Variants in CATSPERE observed in about 807,000 individuals in gnomAD.
CATSPERE encodes the protein cation channel sperm-associated auxiliary subunit epsilon.
Under a neutral mutation model 114.1 loss-of-function variants are expected in CATSPERE, and 93 were observed. That is an observed-to-expected ratio of 0.81 (90% confidence interval 0.69 to 0.97). The LOEUF (loss-of-function observed/expected upper bound fraction) is 0.97, where lower values mean the gene tolerates loss of function less well. CATSPERE is among the 50% of genes least tolerant of loss of function. The probability of loss-of-function intolerance (pLI) is 0.00; values close to 1 mark genes in which losing one functional copy is unlikely to be tolerated. For missense variants in CATSPERE, 1,058 were observed against 1,131.6 expected (o/e 0.93, Z 0.93); for synonymous variants, 341 against 384.1 (o/e 0.89, Z 1.31).
At chr1:244,639,558 T>C (rs928472541) in intron 21 of CATSPERE, among the ~76,000 whole-genome samples, 2 of 151,852 alleles carry the variant, frequency 1.3e-5, no homozygotes, top group Non-Finnish European at 2.9e-5. Flanking sequence ...GGTGTGGTGG[T>C]GCCCTCCTGT....
chr1:244,528,149 C>G lies in CATSPERE; in HGVS notation c.536+9451C>G, dbSNP rs987557531. Reference sequence around the variant, plus strand: ...AGCAGGTTCCCTGCATATGTTGTTCCCACTCACCCCACCATGTGTCCATGT... The same window carrying G: ...AGCAGGTTCCCTGCATATGTTGTTCGCACTCACCCCACCATGTGTCCATGT... On this transcript the variant is annotated intron_variant, in intron 8 of 21. Coordinates refer to ENST00000366534, the MANE Select transcript of CATSPERE (RefSeq NM_001130957.2). 6.6e-5 allele frequency among the ~76,000 whole-genome samples: 10 copies of G among 152,244 alleles called. No homozygotes were observed. The East Asian group carries it at 1.9e-3, about 29-fold the overall frequency.
rs116101489 is a variant in CATSPERE at position 244,558,752 on chromosome 1, A to G, written c.1030-1916A>G. 4.9e-3 allele frequency among the ~76,000 whole-genome samples: 741 copies of G among 151,294 alleles called. 6 individuals are homozygous for G. The highest frequency in any genetic ancestry group is 0.017 in the African/African-American group (708 of 41,150). On this transcript the variant is annotated intron_variant, in intron 9 of 21. Coordinates refer to ENST00000366534, the MANE Select transcript of CATSPERE (RefSeq NM_001130957.2). ...TCTTCCTCCCCTTCTCCTCCTGCCC[A>G]CTCTGCACTCCCCTCTCCTTCTCCT... is the stretch of plus-strand genomic sequence containing the variant.
At chr1:244,468,186 A>G (rs3003209) in intron 2 of CATSPERE, among the ~76,000 whole-genome samples, 130,175 of 151,648 alleles carry the variant, frequency 0.86, 56,416 homozygotes, top group African/African-American at 0.97. Context: ...TCTGCCTCCC[A>G]GGTTCAAGCA....
At chr1:244,632,025 G>A (rs1460162551) in intron 20 of CATSPERE, among the ~76,000 whole-genome samples, 1 of 152,162 alleles carries the variant, frequency 6.6e-6, no homozygotes, top group African/African-American at 2.4e-5. Context: ...CTGTGATGGT[G>A]CCACTGCACT....
intron 14 of CATSPERE, 26 bp from the exon 15 acceptor site, chr1:244,591,655 A>G (rs752261232): frequency 1.0e-5 from 14 of 1,355,222 alleles, no homozygotes; most frequent in Non-Finnish European, 1.5e-5. Flanking sequence ...TGATATTTCA[A>G]CTTCATTATG....
intron 20 of CATSPERE, among the ~76,000 whole-genome samples, chr1:244,621,315 A>AATATAT (rs201672348): frequency 3.8e-5 from 1 of 26,334 alleles, no homozygotes; most frequent in Admixed American, 6.7e-4. Flanking sequence ...AAATATATAA[A>AATATAT]ATATATATAT....
chr1:244,503,370 T>C (rs908434918), intron 7 of CATSPERE, among the ~76,000 whole-genome samples: 1 of 152,190 alleles, frequency 6.6e-6, no homozygotes, highest in Non-Finnish European at 1.5e-5. Flanking sequence ...TCAAATATTG[T>C]CTGTGCCTCA....
intron 8 of CATSPERE, among the ~76,000 whole-genome samples, chr1:244,531,082 T>TAAA (rs766173355): frequency 0.064 from 9,505 of 149,632 alleles, 328 homozygotes; most frequent in African/African-American, 0.078. Context: ...AAAAAAAATT[T>TAAA]AAAAAAAGCC....
intron 8 of CATSPERE, among the ~76,000 whole-genome samples, chr1:244,523,350 G>T (rs1360268608): frequency 6.9e-6 from 1 of 144,290 alleles, no homozygotes; most frequent in Admixed American, 6.7e-5. Flanking sequence ...AATAATAAGA[G>T]CTATCTATGA....
chr1:244,475,674 T>G (rs1463402009), intron 2 of CATSPERE, among the ~76,000 whole-genome samples: 1 of 151,664 alleles, frequency 6.6e-6, no homozygotes, highest in Non-Finnish European at 1.5e-5. Context: ...GTAGCTGGGA[T>G]TACAGGTGCG....
intron 6 of CATSPERE, among the ~76,000 whole-genome samples, chr1:244,493,699 C>T (rs1344423956): frequency 6.6e-6 from 1 of 152,186 alleles, no homozygotes; most frequent in South Asian, 2.1e-4. Context: ...GCAACCTACT[C>T]ATCTGACAAA....
Position 244,568,890 on chromosome 1 carries a change from G to GA in CATSPERE, c.1508-3432dup, listed in dbSNP as rs111894360. ...GGTGTTCCTGGCACCACTGGGGTAT[G>GA]AAAAAAAACAAAAACAAAAACAAAG... On this transcript the variant is annotated intron_variant, in intron 10 of 21. Transcript: ENST00000366534. This position sits in a 1 kb window ranked among gnomAD's most constrained non-coding sequence, Gnocchi z 4.4. 1.4e-3 allele frequency among the ~76,000 whole-genome samples: 207 copies of GA among 151,808 alleles called. 2 individuals are homozygous for GA. Among genetic ancestry groups the GA allele is most frequent in the African/African-American group, 4.6e-3 (192 of 41,394 alleles).
intron 10 of CATSPERE, among the ~76,000 whole-genome samples, chr1:244,571,320 C>T (rs191169856): frequency 2.0e-5 from 3 of 152,244 alleles, no homozygotes; most frequent in Admixed American, 1.3e-4. Context: ...TGATGAATTC[C>T]CCTCTTCCTT....
At chr1:244,451,887 G>A (rs1665630240), upstream of CATSPERE, 1 of 1,392,066 alleles carries the variant, frequency 7.2e-7, no homozygotes, top group African/African-American at 1.5e-5. This position sits in a 1 kb window ranked among gnomAD's most constrained non-coding sequence, Gnocchi z 6.6. Context: ...GAACTGCTCT[G>A]CGGCCGCCAG....
At chr1:244,581,899 A>G in intron 12 of CATSPERE, 45 bp downstream of exon 12, 7 of 848,704 alleles carry the variant, frequency 8.2e-6, no homozygotes, top group Non-Finnish European at 1.3e-5. Flanking sequence ...CAAATATGCT[A>G]CTCAGGTTAT....
At chr1:244,622,112 A>G (rs1272589045) in intron 20 of CATSPERE, among the ~76,000 whole-genome samples, 1 of 152,152 alleles carries the variant, frequency 6.6e-6, no homozygotes, top group African/African-American at 2.4e-5. Flanking sequence ...CTGCCTTCCT[A>G]TTCTGTACCC....
intron 20 of CATSPERE, among the ~76,000 whole-genome samples, chr1:244,625,404 AT>A (rs1329729651): frequency 0.13 from 1,583 of 12,230 alleles, 402 homozygotes; most frequent in East Asian, 0.22. Context: ...TATTATTATT[AT>A]TTATATATAT....
chr1:244,601,144 A>C (rs1371808008), intron 17 of CATSPERE, among the ~76,000 whole-genome samples: 1 of 152,218 alleles, frequency 6.6e-6, no homozygotes, highest in Non-Finnish European at 1.5e-5. Flanking sequence ...AAAATTTTAG[A>C]CATAATTACA....
At chr1:244,625,677 T>G (rs902023642) in intron 20 of CATSPERE, among the ~76,000 whole-genome samples, 3 of 151,254 alleles carry the variant, frequency 2.0e-5, no homozygotes, top group Non-Finnish European at 4.4e-5. Flanking sequence ...TCCGCCCACC[T>G]TGGCCTTCCA....
Sources: allele counts gnomAD v4.1 joint callset (sites outside exome capture counted in the v4.1 genomes callset), GRCh38; gene constraint gnomAD v4.1.1; non-coding constraint Gnocchi (gnomAD v3.1); transcripts MANE v1.5; gene names NCBI Gene and HGNC (gene_info 2026-07-23, HGNC 2026-07-21).